The following PARD3B variants were observed in gnomAD, a reference collection of about 807,000 sequenced individuals.
PARD3B encodes the protein par-3 family cell polarity regulator beta.
A neutral mutation model predicts 130.2 loss-of-function variants in PARD3B; 103 were observed. The observed-to-expected ratio is 0.79, with a 90% CI of 0.67 to 0.93. The LOEUF is 0.93. Ranked by LOEUF, PARD3B falls within the 40% of genes least tolerant of loss-of-function variation. The pLI, the probability that PARD3B is intolerant of heterozygous loss-of-function variation, is 0.00. For synonymous variants in PARD3B, 583 were observed against 553.2 expected (o/e 1.05, Z -0.76); for missense variants, 1,609 against 1,499.2 (o/e 1.07, Z -1.21).
intron 2 of PARD3B, among the ~76,000 whole-genome samples, chr2:204,748,233 A>G (rs55900334): frequency 6.6e-6 from 1 of 152,064 alleles, no homozygotes; most frequent in South Asian, 2.1e-4. Flanking sequence ...ATTAAATGAC[A>G]CCTAAAGATG....
At chr2:205,238,379 G>A (rs2039163611) in intron 15 of PARD3B, among the ~76,000 whole-genome samples, 1 of 152,162 alleles carries the variant, frequency 6.6e-6, no homozygotes, top group Admixed American at 6.5e-5. Flanking sequence ...GCTGAGGCAG[G>A]AGGATCACTT....
chr2:204,946,629 G>T (rs150258097), intron 2 of PARD3B, among the ~76,000 whole-genome samples: 13 of 152,260 alleles, frequency 8.5e-5, no homozygotes, highest in African/African-American at 3.1e-4. Flanking sequence ...AGGATGTACT[G>T]TCAGGGTTCT....
At chr2:205,083,076 T>A (rs900616184) in intron 4 of PARD3B, among the ~76,000 whole-genome samples, 8 of 152,004 alleles carry the variant, frequency 5.3e-5, no homozygotes, top group African/African-American at 1.7e-4. Context: ...CACACTACCA[T>A]GCCTGGCTAA....
At chr2:205,290,200 G>A (rs896637819) in intron 16 of PARD3B, among the ~76,000 whole-genome samples, 2 of 152,192 alleles carry the variant, frequency 1.3e-5, no homozygotes, top group Admixed American at 6.5e-5. Flanking sequence ...AAAATTTGGG[G>A]ACTTGTATTC....
At chr2:204,577,665 G>A (rs2032336753) in intron 1 of PARD3B, among the ~76,000 whole-genome samples, 2 of 152,162 alleles carry the variant, frequency 1.3e-5, no homozygotes, top group African/African-American at 4.8e-5. Context: ...TTGAACACCT[G>A]GGTTCAAAGG....
intron 4 of PARD3B, among the ~76,000 whole-genome samples, chr2:205,072,282 G>A (rs907780422): frequency 7.8e-6 from 1 of 128,878 alleles, no homozygotes; most frequent in Non-Finnish European, 1.6e-5. Context: ...TTTCATTCTT[G>A]TCCCCCAGGC....
At chr2:205,388,384 A>G (rs893606555) in intron 18 of PARD3B, among the ~76,000 whole-genome samples, 2 of 152,340 alleles carry the variant, frequency 1.3e-5, no homozygotes, top group Admixed American at 6.5e-5. Context: ...TAGTAGTTTC[A>G]CAGTCTAGTA....
At chr2:204,958,991 G>A (rs1379252777) in intron 2 of PARD3B, among the ~76,000 whole-genome samples, 2 of 152,034 alleles carry the variant, frequency 1.3e-5, no homozygotes, top group African/African-American at 4.8e-5. Flanking sequence ...TTAAGTTCTG[G>A]GATACATGTG....
chr2:204,884,233 T>C (rs2125676508), intron 2 of PARD3B, among the ~76,000 whole-genome samples: 1 of 152,246 alleles, frequency 6.6e-6, no homozygotes, highest in East Asian at 1.9e-4. Flanking sequence ...TATTAATAGA[T>C]TATGTCTACA....
chr2:204,957,043 A>G (rs536008838), intron 2 of PARD3B, among the ~76,000 whole-genome samples: 1 of 152,102 alleles, frequency 6.6e-6, no homozygotes, highest in Non-Finnish European at 1.5e-5. Context: ...TGTGTATTAG[A>G]TGTGAGTCGT....
At chr2:205,356,034 A>C (rs1446649780) in intron 18 of PARD3B, among the ~76,000 whole-genome samples, 1 of 152,198 alleles carries the variant, frequency 6.6e-6, no homozygotes, top group Middle Eastern at 3.2e-3. Context: ...GTGGGGACAC[A>C]AAACCTAACC....
intron 2 of PARD3B, among the ~76,000 whole-genome samples, chr2:204,804,909 A>T (rs74767082): frequency 0.081 from 12,336 of 152,208 alleles, 615 homozygotes; most frequent in African/African-American, 0.14. Context: ...TAAGGAAATT[A>T]AAAAATTCCT....
chr2:205,137,655 A>G (rs1187097541), intron 10 of PARD3B, among the ~76,000 whole-genome samples: 1 of 152,168 alleles, frequency 6.6e-6, no homozygotes, highest in Non-Finnish European at 1.5e-5. Context: ...GTTTAGACTT[A>G]TGCATGGAGC....
chr2:204,835,615 A>G (rs2044000145), intron 2 of PARD3B, among the ~76,000 whole-genome samples: 1 of 152,200 alleles, frequency 6.6e-6, no homozygotes, highest in South Asian at 2.1e-4. Context: ...ATACCAGTTC[A>G]ATTTTGAAAT....
At chr2:204,957,243 T>G (rs1158420802) in intron 2 of PARD3B, among the ~76,000 whole-genome samples, 1 of 152,204 alleles carries the variant, frequency 6.6e-6, no homozygotes, top group Non-Finnish European at 1.5e-5. Flanking sequence ...AGGAACATAC[T>G]ACATAATTTC....
chr2:204,900,071 T>G (rs2046802448), intron 2 of PARD3B, among the ~76,000 whole-genome samples: 1 of 152,160 alleles, frequency 6.6e-6, no homozygotes, highest in African/African-American at 2.4e-5. Context: ...GTTTGATTGT[T>G]AAATGCCTTT....
At chr2:204,682,136 T>C (rs1231563485) in intron 1 of PARD3B, among the ~76,000 whole-genome samples, 2 of 152,146 alleles carry the variant, frequency 1.3e-5, no homozygotes, top group Admixed American at 6.5e-5. Flanking sequence ...TCACTAATGA[T>C]GATGCACCCG....
At chr2:204,893,783 CTAGTGGCTACCA>C (rs1431681413) in intron 2 of PARD3B, among the ~76,000 whole-genome samples, 1 of 152,126 alleles carries the variant, frequency 6.6e-6, no homozygotes, top group Non-Finnish European at 1.5e-5. Flanking sequence ...CCACATGTGG[CTAGTGGCTACCA>C]TACTGAATAG....
intron 15 of PARD3B, among the ~76,000 whole-genome samples, chr2:205,198,426 A>G (rs1374222448): frequency 6.6e-6 from 1 of 152,216 alleles, no homozygotes; most frequent in East Asian, 1.9e-4. Context: ...AACTCTCCCT[A>G]AAATCAAGAC....
Sources: gnomAD v4.1 joint callset for allele counts (sites outside exome capture counted in the v4.1 genomes callset) on GRCh38, gnomAD v4.1.1 for gene constraint, MANE v1.5 for transcripts, NCBI Gene and HGNC (gene_info 2026-07-23, HGNC 2026-07-21) for gene names.